The following KLHL32 variants were observed in gnomAD, a reference collection of about 807,000 sequenced individuals.
KLHL32 encodes kelch like family member 32, also known as kelch-like protein 32.
KLHL32 carries 35 observed loss-of-function variants against 64.8 expected under a neutral mutation model. The observed-to-expected ratio is 0.54, with a 90% CI of 0.41 to 0.72. The LOEUF is 0.72. Ranked by LOEUF, KLHL32 falls within the 30% of genes least tolerant of loss-of-function variation. The pLI, the probability that KLHL32 is intolerant of heterozygous loss-of-function variation, is 0.00. For missense variants in KLHL32, 589 were observed against 768.5 expected (o/e 0.77, Z 2.76); for synonymous variants, 259 against 281.0 (o/e 0.92, Z 0.78).
chr6:96,991,161 T>G (rs1777827044), intron 3 of KLHL32, among the ~76,000 whole-genome samples: 2 of 151,880 alleles, frequency 1.3e-5, no homozygotes, highest in Non-Finnish European at 2.9e-5. Flanking sequence ...CCTTCCCCAA[T>G]GCAAGGGCAG....
intron 3 of KLHL32, among the ~76,000 whole-genome samples, chr6:96,993,236 C>T (rs577296663): frequency 1.3e-5 from 2 of 152,334 alleles, no homozygotes; most frequent in African/African-American, 4.8e-5. Context: ...TCTGGTCTGT[C>T]AGCTCAGCTG....
At chr6:97,135,737 G>C (rs1799934964) in intron 10 of KLHL32, among the ~76,000 whole-genome samples, 2 of 152,134 alleles carry the variant, frequency 1.3e-5, no homozygotes, top group Non-Finnish European at 2.9e-5. Context: ...ATGACAGCTA[G>C]TTACAGGCTA....
chr6:97,130,639 G>A, intron 8 of KLHL32, 118 bp from the exon 9 acceptor site: 1 of 696,828 alleles, frequency 1.4e-6, no homozygotes, highest in Non-Finnish European at 2.3e-6. Flanking sequence ...CATTCAAACA[G>A]AATGTTGATC....
intron 4 of KLHL32, among the ~76,000 whole-genome samples, chr6:97,054,217 AATG>A (rs1221644182): frequency 1.3e-5 from 2 of 152,202 alleles, no homozygotes; most frequent in East Asian, 3.8e-4. Context: ...TGAGTAAAAT[AATG>A]ATGAGAACAT....
At chr6:97,020,720 A>G (rs1781873462) in intron 3 of KLHL32, among the ~76,000 whole-genome samples, 1 of 151,010 alleles carries the variant, frequency 6.6e-6, no homozygotes, top group South Asian at 2.1e-4. Context: ...TCCTCAACGC[A>G]TCAGCATCTC....
Position 97,014,947 on chromosome 6 carries a change from G to A in KLHL32, c.205-26545G>A, listed in dbSNP as rs535498604. Reference sequence around the variant, plus strand: ...ATTTGTCAGGGGAAGGACCTGGTGGGAGGTGATTGAATCATGGCGGTGGTT... The same window carrying A: ...ATTTGTCAGGGGAAGGACCTGGTGGAAGGTGATTGAATCATGGCGGTGGTT... On this transcript the variant is annotated intron_variant, in intron 3 of 10. Transcript: ENST00000369261. Among the ~76,000 whole-genome samples the A allele has an allele frequency of 1.9e-4, 29 of 152,316 alleles. No homozygotes were observed. In the South Asian group the frequency reaches 5.8e-3, roughly 30 times the overall value.
chr6:96,929,950 T>G (rs1769646911), intron 1 of KLHL32, among the ~76,000 whole-genome samples: 1 of 152,190 alleles, frequency 6.6e-6, no homozygotes, highest in African/African-American at 2.4e-5. Context: ...AGAAATGTCT[T>G]TGGCAGTTTT....
chr6:96,903,494 A>G, the KLHL32 span, among the ~76,000 whole-genome samples: 1 of 152,240 alleles, frequency 6.6e-6, no homozygotes, highest in East Asian at 1.9e-4. Flanking sequence ...TGAAGAAGCA[A>G]GCTGCCATGT....
intron 1 of KLHL32, among the ~76,000 whole-genome samples, chr6:96,959,528 T>G (rs1296486516): frequency 6.6e-6 from 1 of 152,218 alleles, no homozygotes; most frequent in Non-Finnish European, 1.5e-5. Context: ...TTGCATGTGT[T>G]TTAATCTCTT....
chr6:96,903,723 T>C, the KLHL32 span, among the ~76,000 whole-genome samples: 4 of 152,194 alleles, frequency 2.6e-5, no homozygotes, highest in Non-Finnish European at 4.4e-5. Context: ...TATGTAATCA[T>C]TTCAATGGAT....
At chr6:96,975,011 T>C (rs949277964) in intron 2 of KLHL32, among the ~76,000 whole-genome samples, 2 of 152,216 alleles carry the variant, frequency 1.3e-5, no homozygotes, top group Admixed American at 1.3e-4. Flanking sequence ...CTTAGTCCAA[T>C]ACCAGTTCTG....
intron 3 of KLHL32, among the ~76,000 whole-genome samples, chr6:97,036,884 CA>C (rs1251190342): frequency 6.6e-6 from 1 of 152,194 alleles, no homozygotes; most frequent in East Asian, 1.9e-4. Flanking sequence ...GGATCTTTAG[CA>C]GCAAAGACTG....
intron 1 of KLHL32, among the ~76,000 whole-genome samples, chr6:96,962,669 A>G (rs1774005207): frequency 1.3e-5 from 2 of 152,170 alleles, no homozygotes; most frequent in African/African-American, 4.8e-5. Context: ...ATAAAAGAAG[A>G]CACACAATGA....
At chr6:97,078,169 A>G (rs1420951342) in intron 5 of KLHL32, among the ~76,000 whole-genome samples, 2 of 152,186 alleles carry the variant, frequency 1.3e-5, no homozygotes, top group Non-Finnish European at 2.9e-5. Context: ...GGCTGTTTGG[A>G]ATAGATTTGG....
chr6:96,945,461 G>A (rs1771807750), intron 1 of KLHL32, among the ~76,000 whole-genome samples: 1 of 152,256 alleles, frequency 6.6e-6, no homozygotes, highest in South Asian at 2.1e-4. Flanking sequence ...TTCTAGCCCA[G>A]TGGGCCAGCG....
intron 5 of KLHL32, among the ~76,000 whole-genome samples, chr6:97,076,313 A>G (rs564181608): frequency 2.6e-5 from 4 of 152,342 alleles, no homozygotes; most frequent in Non-Finnish European, 4.4e-5. Flanking sequence ...GCAAAGCTAT[A>G]GTTTAAGTAC....
At chr6:97,026,138 A>C (rs1471454869) in intron 3 of KLHL32, among the ~76,000 whole-genome samples, 1 of 152,088 alleles carries the variant, frequency 6.6e-6, no homozygotes, top group Non-Finnish European at 1.5e-5. Flanking sequence ...AGTCCATCTA[A>C]TTATTTTTTA....
chr6:97,113,453 T>G (rs930693128), intron 6 of KLHL32, among the ~76,000 whole-genome samples: 5 of 152,166 alleles, frequency 3.3e-5, no homozygotes, highest in Admixed American at 2.0e-4. Context: ...CTCTTATGCA[T>G]GAAACATAAG....
chr6:96,998,331 G>A (rs570285240), intron 3 of KLHL32, among the ~76,000 whole-genome samples: 5 of 152,188 alleles, frequency 3.3e-5, no homozygotes, highest in Admixed American at 1.3e-4. Flanking sequence ...GAATCTGCTC[G>A]TTTGATCTGC....
Sources: gnomAD v4.1 joint callset for allele counts (sites outside exome capture counted in the v4.1 genomes callset) on GRCh38, gnomAD v4.1.1 for gene constraint, MANE v1.5 for transcripts, NCBI Gene and HGNC (gene_info 2026-07-23, HGNC 2026-07-21) for gene names.